C16orf46: variants seen among roughly 807,000 people sequenced by gnomAD.
The protein encoded by C16orf46 is chromosome 16 open reading frame 46.
A neutral mutation model predicts 5.5 loss-of-function variants in C16orf46; 7 were observed. That is an observed-to-expected ratio of 1.28 (90% CI 0.73 to 2.40). The LOEUF is 2.40. Among genes scored for constraint, C16orf46 ranks in the 30% most tolerant of loss-of-function variants. The probability of loss-of-function intolerance (pLI) is 0.00; values close to 1 mark genes in which losing one functional copy is unlikely to be tolerated. For synonymous variants in C16orf46, 200 were observed against 184.1 expected, an observed-to-expected ratio of 1.09 and a Z score of -0.70; for missense variants, 614 against 476.0, an observed-to-expected ratio of 1.29 and a Z score of -2.70.
intron 1 of C16orf46, among the ~76,000 whole-genome samples, chr16:81,073,382 G>A (rs951494331): frequency 1.3e-5 from 2 of 152,140 alleles, no homozygotes; most frequent in African/African-American, 4.8e-5. Context: ...TTATGGTCAT[G>A]GAGAGAAAAA....
chr16:81,056,903 C>T (rs564115718), downstream of C16orf46, among the ~76,000 whole-genome samples: 33 of 152,208 alleles, frequency 2.2e-4, no homozygotes, highest in African/African-American at 7.9e-4. Context: ...GTAAAGCTGT[C>T]AGAGAAGCTG....
intron 2 of C16orf46, among the ~76,000 whole-genome samples, chr16:81,065,604 G>A (rs1971629925): frequency 6.6e-6 from 1 of 152,038 alleles, no homozygotes; most frequent in Admixed American, 6.5e-5. Context: ...TGGCTTGAGT[G>A]CTGATAAGCA....
At chr16:81,056,272 G>A (rs533099580), downstream of C16orf46, 7 of 152,100 alleles carry the variant, frequency 4.6e-5, no homozygotes, top group African/African-American at 7.2e-5. Flanking sequence ...TAACATCTTC[G>A]ACTTATCTCG....
At chr16:81,053,913 C>G (rs1355727311) in exon 4 of C16orf46, 23 of 719,152 alleles carry the variant, frequency 3.2e-5, no homozygotes, top group Non-Finnish European at 4.9e-5. Flanking sequence ...AGACCTTGCT[C>G]CAAACGTGGC....
At chr16:81,060,913 G>T, downstream of C16orf46, 1 of 1,164,108 alleles carries the variant, frequency 8.6e-7, no homozygotes, top group Non-Finnish European at 1.1e-6. Flanking sequence ...TTTTGTGAAT[G>T]GCTAAGTAGC....
intron 1 of C16orf46, among the ~76,000 whole-genome samples, chr16:81,070,692 CTTAT>C (rs1318323759): frequency 1.3e-5 from 2 of 152,014 alleles, no homozygotes; most frequent in African/African-American, 4.8e-5. Flanking sequence ...TTTTCACTTA[CTTAT>C]TTATTTTTGA....
downstream of C16orf46, among the ~76,000 whole-genome samples, chr16:81,058,508 G>C (rs146419405): frequency 5.8e-3 from 886 of 152,316 alleles, 14 homozygotes; most frequent in African/African-American, 0.02. Flanking sequence ...AGGGAATTAA[G>C]ATGGATTGGA....
chr16:81,064,974 A>G (rs773222602), intron 2 of C16orf46, among the ~76,000 whole-genome samples: 6 of 152,198 alleles, frequency 3.9e-5, no homozygotes, highest in Non-Finnish European at 5.9e-5. Flanking sequence ...CTAGCAAAGT[A>G]AAACAGTAGG....
intron 1 of C16orf46, among the ~76,000 whole-genome samples, chr16:81,076,070 C>T (rs1313410099): frequency 6.6e-6 from 1 of 152,174 alleles, no homozygotes; most frequent in African/African-American, 2.4e-5. Flanking sequence ...TTTGAATGAA[C>T]GTTCCTGTGG....
At chr16:81,075,221 C>G (rs1971991592) in intron 1 of C16orf46, among the ~76,000 whole-genome samples, 1 of 151,766 alleles carries the variant, frequency 6.6e-6, no homozygotes, top group African/African-American at 2.4e-5. Flanking sequence ...GAGGAACCTA[C>G]CAAGAGTTAT....
intron 1 of C16orf46, among the ~76,000 whole-genome samples, chr16:81,071,665 G>A (rs918441846): frequency 6.6e-5 from 10 of 152,084 alleles, no homozygotes; most frequent in African/African-American, 2.4e-4. Flanking sequence ...GGATCCCATG[G>A]GCCCCGGAGG....
At chr16:81,071,282 C>T (rs756230418) in intron 1 of C16orf46, among the ~76,000 whole-genome samples, 3 of 152,200 alleles carry the variant, frequency 2.0e-5, no homozygotes, top group South Asian at 2.1e-4. Flanking sequence ...CCCAGTCAAA[C>T]GTGGCAGGTT....
At chr16:81,054,119 C>T (rs375506892) in intron 3 of C16orf46, 66 of 1,608,280 alleles carry the variant, frequency 4.1e-5, no homozygotes, top group Non-Finnish European at 5.0e-5. Flanking sequence ...TTAATGACTT[C>T]AGAAAATGTA....
intron 1 of C16orf46, among the ~76,000 whole-genome samples, chr16:81,071,640 G>C (rs1971855053): frequency 6.6e-6 from 1 of 152,076 alleles, no homozygotes. Context: ...GAGCTACTAG[G>C]GAGGCTGAAG....
intron 1 of C16orf46, 179 bp downstream of exon 1, chr16:81,076,957 C>T (rs1206799860): frequency 1.3e-5 from 2 of 152,126 alleles, no homozygotes; most frequent in Non-Finnish European, 2.9e-5. Context: ...CCAACGGATC[C>T]TCCTCAGGCC....
chr16:81,073,054 T>C (rs1469487804), intron 1 of C16orf46, among the ~76,000 whole-genome samples: 2 of 152,252 alleles, frequency 1.3e-5, no homozygotes, highest in East Asian at 3.8e-4. Context: ...CTCTAAATTA[T>C]AGCTACCTTA....
chr16:81,073,405 C>G (rs970988685), intron 1 of C16orf46, among the ~76,000 whole-genome samples: 1 of 152,098 alleles, frequency 6.6e-6, no homozygotes, highest in Non-Finnish European at 1.5e-5. Flanking sequence ...GGTAAAAATA[C>G]CTGCTGCAAT....
intron 1 of C16orf46, among the ~76,000 whole-genome samples, chr16:81,076,054 T>G (rs961607863): frequency 1.3e-5 from 2 of 152,180 alleles, no homozygotes; most frequent in African/African-American, 4.8e-5. Context: ...GCAGCCTCAT[T>G]TGGAATTTGA....
At chr16:81,058,131 T>A (rs1251804575), downstream of C16orf46, 1 of 152,588 alleles carries the variant, frequency 6.6e-6, no homozygotes, top group Non-Finnish European at 1.5e-5. Context: ...GCAAGTTAAA[T>A]GCATTAAAAT....
Sources: allele counts gnomAD v4.1 joint callset (sites outside exome capture counted in the v4.1 genomes callset), GRCh38; gene constraint gnomAD v4.1.1; transcripts MANE v1.5; gene names NCBI Gene and HGNC (gene_info 2026-07-23, HGNC 2026-07-21).